Variants in SLCO1C1 observed in about 807,000 individuals in gnomAD.
SLCO1C1 encodes the protein OAT-RP-5.
A neutral mutation model predicts 76.4 loss-of-function variants in SLCO1C1; 70 were observed. That is an observed-to-expected ratio of 0.92 (90% CI 0.76 to 1.12). The LOEUF is 1.12. Ranked by LOEUF, SLCO1C1 falls within the 50% of genes most tolerant of loss-of-function variation. The pLI is 0.00. For missense variants in SLCO1C1, 912 were observed against 823.8 expected, an observed-to-expected ratio of 1.11 and a Z score of -1.31; for synonymous variants, 306 against 286.1, an observed-to-expected ratio of 1.07 and a Z score of -0.70.
Position 20,737,160 on chromosome 12 carries a change from G to T in SLCO1C1, c.1436G>T (p.Arg479Ile). ...ERALFSDCNS[R>I]CKCSETKWEP... ...GCTCTCTTTTCAGATTGCAACTCAA[G>T]ATGCAAATGTTCAGAGACAAAATGG... Residue 479 changes from arginine (R) to isoleucine (I), a missense_variant, in exon 11 of 15, where the codon AGA (arginine) becomes ATA (isoleucine). Coordinates refer to ENST00000266509, the MANE Select transcript of SLCO1C1 (RefSeq NM_017435.5). 1 of 1,560,128 alleles carries T rather than the reference G, an allele frequency of 6.4e-7. No individual in the cohort carries two copies. The highest frequency in any genetic ancestry group is 8.6e-7 in the Non-Finnish European group (1 of 1,160,166).
rs1174987494 is a variant in SLCO1C1 at position 20,732,913 on chromosome 12, C to T, written c.1191C>T (p.Leu397=). The T allele has an allele frequency of 5.0e-6, 8 of 1,613,746 alleles. No homozygotes were observed. ...TATATTTTTCTTGTTTCTCAGGGCT[C>T]ATCAACATTCCAGCAGTGGCCCTTG... The part of the protein sequence containing the change: ...SSSRANFVIG[L]INIPAVALGI... Residue 397 remains leucine (L), a synonymous_variant, in exon 10 of 15, where the codon CTC becomes CTT. Coordinates refer to ENST00000266509, the MANE Select transcript of SLCO1C1 (RefSeq NM_017435.5).
chr12:20,704,696 G>C (rs1040060649), intron 3 of SLCO1C1, among the ~76,000 whole-genome samples: 3 of 146,678 alleles, frequency 2.0e-5, no homozygotes, highest in African/African-American at 7.6e-5. Flanking sequence ...CTGGCAATGT[G>C]CGTGAACAGT....
chr12:20,701,222 TTTG>T (rs1375775104), intron 2 of SLCO1C1, 93 bp from the exon 3 acceptor site: 18 of 1,215,620 alleles, frequency 1.5e-5, no homozygotes, highest in Admixed American at 1.1e-4. Flanking sequence ...TACATTGTTC[TTTG>T]TTGTTTGTTT....
At chr12:20,748,191 C>T (rs1949134558) in intron 13 of SLCO1C1, among the ~76,000 whole-genome samples, 2 of 152,154 alleles carry the variant, frequency 1.3e-5, no homozygotes, top group South Asian at 2.1e-4. Context: ...TGATATATCT[C>T]TAAAATCTTT....
intron 3 of SLCO1C1, among the ~76,000 whole-genome samples, chr12:20,703,119 T>C (rs1205573591): frequency 1.3e-5 from 2 of 151,948 alleles, no homozygotes; most frequent in Non-Finnish European, 2.9e-5. Flanking sequence ...TGAAAACCTT[T>C]ATCCCAAACA....
At chr12:20,724,394 TG>T (rs1947829734) in intron 9 of SLCO1C1, among the ~76,000 whole-genome samples, 1 of 69,816 alleles carries the variant, frequency 1.4e-5, no homozygotes, top group Non-Finnish European at 2.9e-5. Context: ...ATATATATAA[TG>T]TGTGTGTGTG....
At chr12:20,699,035 C>T (rs1946396179) in intron 1 of SLCO1C1, among the ~76,000 whole-genome samples, 1 of 151,990 alleles carries the variant, frequency 6.6e-6, no homozygotes, top group Non-Finnish European at 1.5e-5. Context: ...AATTGGACCT[C>T]TTCTTTTTTG....
rs1465959241 is a variant in SLCO1C1, at chr12:20,724,583, A to G, written c.1186+1329A>G. Among the ~76,000 whole-genome samples the G allele has an allele frequency of 2.0e-5, 3 of 148,330 alleles. No homozygotes were observed. The East Asian group carries it at 5.9e-4, about 29-fold the overall frequency. ...AAAGCTAATAACTATACTAAACTAT[A>G]TTATCATAGACCAGCCTTGCCTGTT... is the stretch of plus-strand genomic sequence containing the variant. On this transcript the variant is annotated intron_variant, in intron 9 of 14. Coordinates refer to ENST00000266509, the MANE Select transcript of SLCO1C1 (RefSeq NM_017435.5).
chr12:20,741,016 G>A (rs1422531940), intron 12 of SLCO1C1, among the ~76,000 whole-genome samples: 2 of 151,820 alleles, frequency 1.3e-5, no homozygotes, highest in Non-Finnish European at 2.9e-5. Flanking sequence ...TGGCTGGAGA[G>A]GCTTCAGGAA....
chr12:20,720,344 A>C (rs1947601218), intron 7 of SLCO1C1, among the ~76,000 whole-genome samples: 1 of 152,210 alleles, frequency 6.6e-6, no homozygotes, highest in Admixed American at 6.5e-5. Flanking sequence ...TGGATCAAGG[A>C]GTAATTTTGA....
intron 11 of SLCO1C1, among the ~76,000 whole-genome samples, chr12:20,737,591 G>A (rs764768645): frequency 3.9e-5 from 6 of 152,126 alleles, no homozygotes; most frequent in Non-Finnish European, 8.8e-5. Context: ...AATAAGATAT[G>A]CTTTCAGATC....
intron 4 of SLCO1C1, among the ~76,000 whole-genome samples, chr12:20,706,434 A>C (rs530671494): frequency 1.3e-5 from 2 of 152,282 alleles, no homozygotes; most frequent in South Asian, 4.1e-4. Context: ...CAGACAATAA[A>C]TTCTGGATTA....
chr12:20,701,529 C>T, intron 3 of SLCO1C1, 70 bp downstream of exon 3: 7 of 1,138,592 alleles, frequency 6.1e-6, no homozygotes, highest in Non-Finnish European at 8.2e-6. Context: ...AGAACACCTT[C>T]TGCATTCTAT....
chr12:20,703,955 CTGTGTGTGTGTG>C (rs146325219), intron 3 of SLCO1C1, among the ~76,000 whole-genome samples: 49 of 140,374 alleles, frequency 3.5e-4, no homozygotes, highest in African/African-American at 1.1e-3. Context: ...TCGAGTGTGT[CTGTGTGTGTGTG>C]TGTGTGTGTG....
intron 1 of SLCO1C1, among the ~76,000 whole-genome samples, chr12:20,696,355 G>A (rs964313259): frequency 2.0e-5 from 3 of 152,100 alleles, no homozygotes; most frequent in African/African-American, 4.8e-5. Flanking sequence ...AGGGAGGAGC[G>A]TGGTTGCCTT....
intron 13 of SLCO1C1, 38 bp from the exon 14 acceptor site, chr12:20,750,637 C>T: frequency 6.4e-7 from 1 of 1,558,420 alleles, no homozygotes; most frequent in South Asian, 1.1e-5. Flanking sequence ...AAAAGATGTG[C>T]ATATGTTTTT....
At position 20,706,008 on chromosome 12, in the gene SLCO1C1, A is replaced by C. The variant is rs1302395786; in HGVS notation, c.331A>C (p.Ile111Leu). 2 of 1,613,534 alleles carry C rather than the reference A, an allele frequency of 1.2e-6. No individual in the cohort carries two copies. Residue 111 changes from isoleucine (I) to leucine (L), a missense_variant, in exon 4 of 15, where the codon ATA (isoleucine) becomes CTA (leucine). By Grantham distance (5) the Ile-to-Leu change is conservative (BLOSUM62 2). Coordinates refer to ENST00000266509, the MANE Select transcript of SLCO1C1 (RefSeq NM_017435.5). ...YFGAKLHRPKIIGAGCVIMGV... is the reference protein window; with the variant it reads ...YFGAKLHRPKLIGAGCVIMGV... ...TGGAGCCAAACTTCACAGGCCAAAA[A>C]TAATTGGAGCAGGGTGTGTAATCAT... is the stretch of plus-strand genomic sequence containing the variant.
At chr12:20,749,067 C>T (rs547359260) in intron 13 of SLCO1C1, among the ~76,000 whole-genome samples, 5 of 152,268 alleles carry the variant, frequency 3.3e-5, no homozygotes, top group African/African-American at 9.6e-5. Context: ...CAATTATTTA[C>T]ATGAGTATTT....
At chr12:20,734,682 C>A (rs1043200107) in intron 10 of SLCO1C1, among the ~76,000 whole-genome samples, 2 of 152,100 alleles carry the variant, frequency 1.3e-5, no homozygotes, top group Non-Finnish European at 2.9e-5. Context: ...ACAAAGCAGA[C>A]AACAAAAGCA....
Sources: allele counts gnomAD v4.1 joint callset (sites outside exome capture counted in the v4.1 genomes callset), GRCh38; gene constraint gnomAD v4.1.1; transcripts MANE v1.5; gene names NCBI Gene and HGNC (gene_info 2026-07-23, HGNC 2026-07-21).